Variants in CHM observed in about 807,000 individuals in gnomAD.
CHM encodes the protein rab proteins geranylgeranyltransferase component A 1.
A neutral mutation model predicts 49.0 loss-of-function variants in CHM; 10 were observed. That is an observed-to-expected ratio of 0.20 (90% CI 0.13 to 0.35). The LOEUF is 0.35. Ranked by LOEUF, CHM falls within the 10% of genes least tolerant of loss-of-function variation. The pLI, the probability that CHM is intolerant of heterozygous loss-of-function variation, is 1.00. For synonymous variants in CHM, 184 were observed against 167.5 expected (o/e 1.10, Z -0.76); for missense variants, 455 against 478.4 (o/e 0.95, Z 0.46).
intron 8 of CHM, among the ~76,000 whole-genome samples, chrX:85,945,195 C>T (rs1452870421): frequency 9.0e-6 from 1 of 110,538 alleles, no homozygotes; most frequent in East Asian, 2.9e-4. Context: ...AGGTACTATG[C>T]TTATTACCTG....
chrX:85,987,006 C>A (rs1330209282), intron 2 of CHM, among the ~76,000 whole-genome samples: 8 of 109,713 alleles, frequency 7.3e-5, no homozygotes, highest in Non-Finnish European at 1.5e-4. Flanking sequence ...TAACACAATA[C>A]AAGGATATCA....
intron 5 of CHM, among the ~76,000 whole-genome samples, chrX:85,962,358 C>T (rs1034793102): frequency 1.8e-5 from 2 of 111,912 alleles, no homozygotes; most frequent in African/African-American, 3.2e-5. Flanking sequence ...AGAGATAGTA[C>T]GGAAGTATGA....
At chrX:85,991,244 TAGAA>T (rs1303677937) in intron 2 of CHM, among the ~76,000 whole-genome samples, 2 of 112,021 alleles carry the variant, frequency 1.8e-5, no homozygotes, top group African/African-American at 6.5e-5. Flanking sequence ...GTGAGGCAGA[TAGAA>T]AGGGTGTTAT....
At chrX:85,917,188 C>A (rs1927504510) in intron 8 of CHM, among the ~76,000 whole-genome samples, 1 of 111,584 alleles carries the variant, frequency 9.0e-6, no homozygotes, top group African/African-American at 3.3e-5. Context: ...CAAACTAACA[C>A]AGGAACAGAA....
intron 13 of CHM, among the ~76,000 whole-genome samples, chrX:85,876,712 G>A (rs978306791): frequency 9.0e-6 from 1 of 111,449 alleles, no homozygotes; most frequent in African/African-American, 3.3e-5. Context: ...GTGCCTCAGT[G>A]CACCTGAGGA....
intron 2 of CHM, among the ~76,000 whole-genome samples, chrX:86,008,331 C>A (rs1475545808): frequency 1.8e-5 from 2 of 110,642 alleles, no homozygotes; most frequent in Admixed American, 9.6e-5. Context: ...GGGGGCAGCA[C>A]ACCAACATGG....
At chrX:85,897,168 ATATATATTATATATATAC>A (rs1233528546) in intron 11 of CHM, among the ~76,000 whole-genome samples, 1 of 85,169 alleles carries the variant, frequency 1.2e-5, no homozygotes, top group Non-Finnish European at 2.0e-5. Context: ...TATATCTAAT[ATATATATTATATATATAC>A]TATATATTAT....
chrX:85,916,033 A>G (rs758706854), intron 8 of CHM, among the ~76,000 whole-genome samples: 60 of 112,256 alleles, frequency 5.3e-4, no homozygotes, highest in South Asian at 1.5e-3. Context: ...GCATCAGGCT[A>G]CCTGACCTCA....
intron 1 of CHM, among the ~76,000 whole-genome samples, chrX:86,046,849 T>C (rs1471426228): frequency 9.0e-6 from 1 of 111,556 alleles, no homozygotes; most frequent in East Asian, 2.8e-4. Flanking sequence ...CATTTAGTTA[T>C]TGATGGTAGA....
intron 14 of CHM, among the ~76,000 whole-genome samples, chrX:85,867,959 T>C (rs1292135290): frequency 9.0e-6 from 1 of 111,692 alleles, no homozygotes; most frequent in Admixed American, 9.5e-5. Flanking sequence ...TCACTTGATA[T>C]ACACTGTGTA....
intron 2 of CHM, among the ~76,000 whole-genome samples, chrX:86,021,077 TACAC>T (rs1569254835): frequency 2.5e-4 from 24 of 95,393 alleles, no homozygotes; most frequent in Non-Finnish European, 4.8e-4. Flanking sequence ...CACATATATA[TACAC>T]ACATATATAT....
chrX:85,871,897 A>G (rs927403604), intron 14 of CHM, among the ~76,000 whole-genome samples: 20 of 112,141 alleles, frequency 1.8e-4, no homozygotes, highest in African/African-American at 6.5e-4. Flanking sequence ...AAAAAATTAG[A>G]ACATCAAGGT....
chrX:85,887,822 C>T (rs1202620635), intron 12 of CHM, among the ~76,000 whole-genome samples: 1 of 111,304 alleles, frequency 9.0e-6, no homozygotes, highest in Non-Finnish European at 1.9e-5. Flanking sequence ...CCCTGCCCTA[C>T]AGATCCGTGG....
At chrX:86,035,854 C>T (rs1262314771) in intron 1 of CHM, among the ~76,000 whole-genome samples, 8 of 95,154 alleles carry the variant, frequency 8.4e-5, no homozygotes, top group Admixed American at 1.3e-4. Context: ...AGTGCAGTAG[C>T]GCGATCTCGG....
At chrX:86,024,091 G>A (rs1395213758) in intron 2 of CHM, among the ~76,000 whole-genome samples, 1 of 112,079 alleles carries the variant, frequency 8.9e-6, no homozygotes, top group East Asian at 2.8e-4. Context: ...GAGGTGGTAT[G>A]TAAGCTAAAC....
At chrX:86,020,929 ATATCAGAGATATATATCATTATC>A (rs2147781240) in intron 2 of CHM, among the ~76,000 whole-genome samples, 1 of 98,839 alleles carries the variant, frequency 1.0e-5, no homozygotes, top group East Asian at 3.1e-4. Context: ...TATATCTTAT[ATATCAGAGATATATATCATTATC>A]TATCAGAGAT....
chrX:85,997,944 C>T (rs1434961751), intron 2 of CHM, among the ~76,000 whole-genome samples: 1 of 108,532 alleles, frequency 9.2e-6, no homozygotes, highest in Non-Finnish European at 1.9e-5. Context: ...AGCGAGACTC[C>T]GTCTAAAAAA....
At chrX:86,045,828 C>CA (rs928513660) in intron 1 of CHM, among the ~76,000 whole-genome samples, 1 of 111,775 alleles carries the variant, frequency 8.9e-6, no homozygotes, top group Admixed American at 9.5e-5. Flanking sequence ...AGTTCCTACA[C>CA]AAAAAAAGCA....
At chrX:86,004,358 C>G (rs1013505258) in intron 2 of CHM, among the ~76,000 whole-genome samples, 1 of 111,694 alleles carries the variant, frequency 9.0e-6, no homozygotes. Flanking sequence ...CAACAATTAA[C>G]GGGCAAAATA....
Sources: allele counts gnomAD v4.1 joint callset (sites outside exome capture counted in the v4.1 genomes callset), GRCh38; gene constraint gnomAD v4.1.1; transcripts MANE v1.5; gene names NCBI Gene and HGNC (gene_info 2026-07-23, HGNC 2026-07-21).